The following WWC2 variants were observed in gnomAD, a reference collection of about 807,000 sequenced individuals.
WWC2 encodes protein WWC2.
WWC2 carries 101 observed loss-of-function variants against 138.5 expected under a neutral mutation model. That is an observed-to-expected ratio of 0.73 (90% CI 0.62 to 0.86). The LOEUF (loss-of-function observed/expected upper bound fraction) is 0.86, where lower values mean the gene tolerates loss of function less well. WWC2 is among the 40% of genes least tolerant of loss of function. WWC2 has a pLI of 0.00. For missense variants in WWC2, 1,420 were observed against 1,419.4 expected (o/e 1.00, Z -0.01); for synonymous variants, 558 against 538.4 (o/e 1.04, Z -0.50).
At chr4:183,230,316 G>A (rs1736204310) in intron 4 of WWC2, among the ~76,000 whole-genome samples, 2 of 151,956 alleles carry the variant, frequency 1.3e-5, no homozygotes, top group South Asian at 2.1e-4. Flanking sequence ...AAGTCTTAAT[G>A]AGCAATGTAG....
intron 1 of WWC2, among the ~76,000 whole-genome samples, chr4:183,117,438 C>G (rs1362561226): frequency 1.3e-5 from 2 of 152,004 alleles, no homozygotes; most frequent in African/African-American, 4.8e-5. Context: ...TCAGGCTGGT[C>G]TCGAACTCCT....
At chr4:183,149,348 C>T (rs191158758) in intron 1 of WWC2, among the ~76,000 whole-genome samples, 2 of 152,200 alleles carry the variant, frequency 1.3e-5, no homozygotes, top group South Asian at 2.1e-4. Context: ...TTTGGCCGGG[C>T]GCGGTGGCTC....
intron 4 of WWC2, among the ~76,000 whole-genome samples, chr4:183,237,355 G>GA (rs1395961065): frequency 6.6e-6 from 1 of 150,708 alleles, no homozygotes; most frequent in African/African-American, 2.4e-5. Context: ...AAAAGCACTT[G>GA]AAAATGCTGT....
rs573481022 is a variant in WWC2 at position 183,109,015 on chromosome 4, T to C, written c.131+9393T>C. 4.9e-4 allele frequency among the ~76,000 whole-genome samples: 75 copies of C among 152,334 alleles called. 1 individual carries two copies. The South Asian group carries it at 8.3e-3, about 17-fold the overall frequency. On this transcript the variant is annotated intron_variant, in intron 1 of 22. Transcript: ENST00000403733. ...TCCACACTAATTTTGTGGTTTTTTTTCTATAAATCTAAGACTGTTCTAAAA... is the reference window on the plus strand; with the variant it reads ...TCCACACTAATTTTGTGGTTTTTTTCCTATAAATCTAAGACTGTTCTAAAA...
At chr4:183,174,099 A>G (rs1251453837) in intron 1 of WWC2, among the ~76,000 whole-genome samples, 2 of 152,150 alleles carry the variant, frequency 1.3e-5, no homozygotes, top group Non-Finnish European at 2.9e-5. Flanking sequence ...GAGTAATGGA[A>G]ATGGGGCTTG....
At chr4:183,247,159 C>T (rs1736804072) in intron 6 of WWC2, among the ~76,000 whole-genome samples, 1 of 152,028 alleles carries the variant, frequency 6.6e-6, no homozygotes, top group Non-Finnish European at 1.5e-5. Flanking sequence ...ATTGTGTGTA[C>T]CTATAGATAC....
intron 1 of WWC2, among the ~76,000 whole-genome samples, chr4:183,146,535 A>G (rs540960485): frequency 6.6e-6 from 1 of 152,242 alleles, no homozygotes; most frequent in Non-Finnish European, 1.5e-5. Context: ...ATGCCCAGGT[A>G]CCATAGGTTT....
intron 21 of WWC2, among the ~76,000 whole-genome samples, chr4:183,301,749 A>T (rs1437664850): frequency 6.6e-6 from 1 of 152,234 alleles, no homozygotes; most frequent in Non-Finnish European, 1.5e-5. Context: ...ACACATGGTT[A>T]TTATAACAAA....
At chr4:183,269,300 G>C in intron 15 of WWC2, 137 bp downstream of exon 15, 1 of 868,816 alleles carries the variant, frequency 1.2e-6, no homozygotes, top group Non-Finnish European at 1.8e-6. Context: ...TCTAGTGTTT[G>C]TTCATTTTTT....
Position 183,272,712 on chromosome 4 carries a change from T to C in WWC2, c.2562+1471T>C, listed in dbSNP as rs180688661. ...ATTTCATGTAAGTGCAATAATACAA[T>C]ATTTGTTCTTTTGTGGCATCTTTCA... On this transcript the variant is annotated intron_variant, in intron 16 of 22. Coordinates refer to ENST00000403733, the MANE Select transcript of WWC2 (RefSeq NM_024949.6). Among the ~76,000 whole-genome samples the C allele has an allele frequency of 1.3e-3, 201 of 152,338 alleles. 2 individuals carry two copies. Among genetic ancestry groups the C allele is most frequent in the African/African-American group, 4.6e-3 (193 of 41,580 alleles).
intron 4 of WWC2, among the ~76,000 whole-genome samples, chr4:183,221,792 C>T (rs936562212): frequency 1.3e-5 from 2 of 152,160 alleles, no homozygotes; most frequent in Admixed American, 1.3e-4. Flanking sequence ...AAGTCTCATA[C>T]ATTGCTATGG....
chr4:183,277,666 T>C (rs1369678172), intron 16 of WWC2, among the ~76,000 whole-genome samples: 1 of 139,508 alleles, frequency 7.2e-6, no homozygotes, highest in Non-Finnish European at 1.6e-5. Flanking sequence ...TTTTAATGAT[T>C]GCCATTCTAA....
intron 5 of WWC2, among the ~76,000 whole-genome samples, 167 bp from the exon 6 acceptor site, chr4:183,245,249 A>AG (rs1491368822): frequency 3.5e-5 from 5 of 144,282 alleles, no homozygotes; most frequent in Non-Finnish European, 5.9e-5. Flanking sequence ...AAAAAAAAAA[A>AG]GAGAGAGAAA....
chr4:183,134,521 G>C (rs929016390), intron 1 of WWC2, among the ~76,000 whole-genome samples: 2 of 152,042 alleles, frequency 1.3e-5, no homozygotes, highest in Non-Finnish European at 2.9e-5. Flanking sequence ...TAACTATTTA[G>C]AAGTACCATT....
intron 11 of WWC2, among the ~76,000 whole-genome samples, chr4:183,263,877 C>G (rs1407693805): frequency 1.3e-5 from 2 of 152,196 alleles, no homozygotes; most frequent in Non-Finnish European, 2.9e-5. Context: ...CCTCAGTGCT[C>G]TAGAGGCTTA....
At position 183,288,715 on chromosome 4, in the gene WWC2, G is replaced by A. The variant is rs188417783; in HGVS notation, c.3142-678G>A. On this transcript the variant is annotated intron_variant, in intron 20 of 22. Transcript: ENST00000403733. ...TCAATAATTATTGCTTGATGAATAG[G>A]TTAAGATTGCCCCTGGGAAGAGCCA... 4.5e-3 allele frequency among the ~76,000 whole-genome samples: 685 copies of A among 152,298 alleles called. 4 individuals are homozygous for A. The highest frequency in any genetic ancestry group is 0.016 in the African/African-American group (657 of 41,562).
chr4:183,193,734 A>T lies in WWC2; in HGVS notation c.241+26A>T, dbSNP rs776177384. On this transcript the variant is annotated intron_variant, in intron 2 of 22. Transcript: ENST00000403733. ...GTAAGTTTTCCTTTTTGGTAAAAGCAAACATATCAGAAAAGTAATCCCCCA... is the reference window on the plus strand; with the variant it reads ...GTAAGTTTTCCTTTTTGGTAAAAGCTAACATATCAGAAAAGTAATCCCCCA... 2.6e-6 allele frequency: 4 copies of T among 1,566,588 alleles called. No individual in the cohort carries two copies. In the East Asian group the frequency reaches 9.0e-5, roughly 35 times the overall value.
chr4:183,283,977 A>G (rs1256133293), intron 18 of WWC2, among the ~76,000 whole-genome samples: 1 of 152,138 alleles, frequency 6.6e-6, no homozygotes, highest in Non-Finnish European at 1.5e-5. Flanking sequence ...CAGATATCAC[A>G]CGGCCTGCTG....
chr4:183,208,284 AACCATTGAGAGGTGAGGGCAC>A, intron 3 of WWC2, 128 bp downstream of exon 3: 2 of 997,380 alleles, frequency 2.0e-6, no homozygotes, highest in South Asian at 3.4e-5. Flanking sequence ...AGTCTCTCAA[AACCATTGAGAGGTGAGGGCAC>A]ACCCCAGATT....
Sources: gnomAD v4.1 joint callset for allele counts (sites outside exome capture counted in the v4.1 genomes callset) on GRCh38, gnomAD v4.1.1 for gene constraint, MANE v1.5 for transcripts, NCBI Gene and HGNC (gene_info 2026-07-23, HGNC 2026-07-21) for gene names.